LDLRAD4: variants seen among roughly 807,000 people sequenced by gnomAD.
LDLRAD4 encodes low-density lipoprotein receptor class A domain-containing protein 4.
In LDLRAD4, 5 loss-of-function variants were observed where a neutral mutation model predicts 17.0. That is an observed-to-expected ratio of 0.29 (90% CI 0.15 to 0.62). The LOEUF (loss-of-function observed/expected upper bound fraction) is 0.62. Ranked by LOEUF, LDLRAD4 falls within the 20% of genes least tolerant of loss-of-function variation. The pLI is 0.84. For synonymous variants in LDLRAD4, 168 were observed against 171.8 expected (o/e 0.98, Z 0.17); for missense variants, 340 against 424.7 (o/e 0.80, Z 1.75).
At chr18:13,607,462 C>T (rs968669416) in intron 3 of LDLRAD4, among the ~76,000 whole-genome samples, 1 of 149,668 alleles carries the variant, frequency 6.7e-6, no homozygotes, top group Non-Finnish European at 1.5e-5. Flanking sequence ...TTCTGGGATA[C>T]ATGTGCTGTA....
intron 3 of LDLRAD4, among the ~76,000 whole-genome samples, chr18:13,607,561 T>C (rs2095236555): frequency 6.6e-6 from 1 of 152,212 alleles, no homozygotes. Context: ...CCTGTATGCA[T>C]TAGTTATTTG....
At chr18:13,552,725 A>G (rs977755476) in intron 3 of LDLRAD4, among the ~76,000 whole-genome samples, 1 of 152,192 alleles carries the variant, frequency 6.6e-6, no homozygotes, top group Non-Finnish European at 1.5e-5. Context: ...TCTAGACAGT[A>G]CAGGGAAAGT....
At chr18:13,602,019 A>C (rs1601643955) in intron 3 of LDLRAD4, among the ~76,000 whole-genome samples, 2 of 152,386 alleles carry the variant, frequency 1.3e-5, no homozygotes, top group South Asian at 4.1e-4. Context: ...ACATGGATGC[A>C]GCCGGAGGCC....
intron 1 of LDLRAD4, among the ~76,000 whole-genome samples, chr18:13,220,165 G>A (rs1257389568): frequency 6.6e-6 from 1 of 152,190 alleles, no homozygotes; most frequent in African/African-American, 2.4e-5. Flanking sequence ...ATCTTTGAAA[G>A]CTTAATTCTT....
intron 2 of LDLRAD4, among the ~76,000 whole-genome samples, chr18:13,402,331 T>C (rs1211561204): frequency 6.6e-6 from 1 of 152,182 alleles, no homozygotes; most frequent in Non-Finnish European, 1.5e-5. Flanking sequence ...ACTTCTCTTA[T>C]AAACGTCCCA....
chr18:13,346,494 C>A (rs1285591986), intron 1 of LDLRAD4, among the ~76,000 whole-genome samples: 1 of 152,064 alleles, frequency 6.6e-6, no homozygotes, highest in Non-Finnish European at 1.5e-5. Context: ...GCTTTATTTC[C>A]AACTATGTGG....
intron 3 of LDLRAD4, among the ~76,000 whole-genome samples, chr18:13,513,927 T>C (rs2093822139): frequency 6.6e-6 from 1 of 152,194 alleles, no homozygotes; most frequent in Non-Finnish European, 1.5e-5. Flanking sequence ...GAAAGTAATA[T>C]AGGCTTTTTC....
At chr18:13,369,057 C>T (rs58025644) in intron 1 of LDLRAD4, among the ~76,000 whole-genome samples, 3,001 of 152,258 alleles carry the variant, frequency 0.02, 99 homozygotes, top group African/African-American at 0.069. Flanking sequence ...TGTGTGTCAG[C>T]GGTGAGCTGG....
intron 3 of LDLRAD4, among the ~76,000 whole-genome samples, chr18:13,556,205 T>G (rs1056323157): frequency 2.6e-5 from 4 of 152,356 alleles, no homozygotes; most frequent in Admixed American, 1.3e-4. Context: ...GTCTATTGCA[T>G]TGTTGTTTCT....
chr18:13,563,888 T>A (rs954595270), intron 3 of LDLRAD4, among the ~76,000 whole-genome samples: 4 of 151,390 alleles, frequency 2.6e-5, no homozygotes, highest in South Asian at 2.1e-4. Context: ...TTTTAAAAAA[T>A]TATTTTTATT....
chr18:13,429,435 C>T (rs1436759430), intron 2 of LDLRAD4, among the ~76,000 whole-genome samples: 2 of 152,112 alleles, frequency 1.3e-5, no homozygotes, highest in African/African-American at 4.8e-5. Flanking sequence ...TGGGAATGGC[C>T]GTGTGGAGCT....
At chr18:13,586,151 G>A (rs1218781203) in intron 3 of LDLRAD4, among the ~76,000 whole-genome samples, 1 of 152,028 alleles carries the variant, frequency 6.6e-6, no homozygotes, top group Non-Finnish European at 1.5e-5. Flanking sequence ...GCTCACACCT[G>A]TAACCCAGCA....
chr18:13,442,010 A>G (rs946687285), intron 3 of LDLRAD4, among the ~76,000 whole-genome samples: 1 of 152,248 alleles, frequency 6.6e-6, no homozygotes, highest in African/African-American at 2.4e-5. Flanking sequence ...TGTCAGCCTA[A>G]GTTGCCAGGT....
In LDLRAD4 at chr18:13,254,336, T is replaced by C. The variant is rs28472980; in HGVS notation, c.-466-23769T>C. ...GAGGCTGAGTGGGATCTTATAGGCC[T>C]TGGGGAGCCATTGGAGTGTTTTCAG... On this transcript the variant is annotated intron_variant, in intron 1 of 5. Coordinates refer to the LDLRAD4 transcript ENST00000399848. Among the ~76,000 whole-genome samples the C allele has an allele frequency of 7.0e-3, 1,069 of 152,296 alleles. 12 individuals carry two copies. The highest frequency in any genetic ancestry group is 0.025 in the African/African-American group (1,020 of 41,558).
intron 3 of LDLRAD4, among the ~76,000 whole-genome samples, chr18:13,495,157 A>G (rs2093441799): frequency 1.3e-5 from 2 of 152,174 alleles, no homozygotes; most frequent in African/African-American, 4.8e-5. Context: ...CAGAGGAAAG[A>G]CTATTAAAAT....
At chr18:13,313,269 C>G (rs1366929000) in intron 1 of LDLRAD4, among the ~76,000 whole-genome samples, 1 of 152,184 alleles carries the variant, frequency 6.6e-6, no homozygotes, top group Non-Finnish European at 1.5e-5. Flanking sequence ...CTATGCCTGA[C>G]CTGCTTGGAT....
chr18:13,562,333 A>G (rs2094550324), intron 3 of LDLRAD4, among the ~76,000 whole-genome samples: 1 of 152,246 alleles, frequency 6.6e-6, no homozygotes, highest in East Asian at 1.9e-4. Flanking sequence ...ACTCTCAGCC[A>G]GCTCTGCCAA....
At position 13,548,311 on chromosome 18, in the gene LDLRAD4, T is replaced by G. The variant is rs1449231356; in HGVS notation, c.182-72806T>G. ...GGGTTAGTCACCAGGGACCTGCCCC[T>G]TTCCACCCAGGAGCCTGTCTGCCTC... On this transcript the variant is annotated intron_variant, in intron 3 of 5. Transcript: ENST00000359446. Among the ~76,000 whole-genome samples the G allele has an allele frequency of 4.6e-5, 7 of 152,340 alleles. No homozygotes were observed. In the East Asian group the frequency reaches 1.4e-3, roughly 29 times the overall value.
Position 13,645,174 on chromosome 18 carries a change from C to T in LDLRAD4, c.438C>T (p.Phe146=). Residue 146 remains phenylalanine (F), a synonymous_variant, in exon 6 of 6, where the codon TTC becomes TTT. Coordinates refer to ENST00000359446, the Ensembl canonical transcript of LDLRAD4. The surrounding 1 kb of genome is among the most constrained non-coding windows in gnomAD (Gnocchi z 5.7). ...GGGACAGGTTCACAGCGCCGTCCTTCATCCAGAGGGATCGCTTCAGCCGCT... is the reference window on the plus strand; with the variant it reads ...GGGACAGGTTCACAGCGCCGTCCTTTATCCAGAGGGATCGCTTCAGCCGCT... The T allele has an allele frequency of 6.2e-7, 1 of 1,614,068 alleles. No homozygotes were observed.
Sources: gnomAD v4.1 joint callset for allele counts (sites outside exome capture counted in the v4.1 genomes callset) on GRCh38, gnomAD v4.1.1 for gene constraint, Gnocchi (gnomAD v3.1) non-coding constraint, MANE v1.5 for transcripts, NCBI Gene and HGNC (gene_info 2026-07-23, HGNC 2026-07-21) for gene names.